The following ZNF407 variants were observed in gnomAD, a reference collection of about 807,000 sequenced individuals.
The protein encoded by ZNF407 is zinc finger protein 407.
Under a neutral mutation model 131.2 loss-of-function variants are expected in ZNF407, and 17 were observed. The ratio of observed to expected loss-of-function variants is 0.13; its 90% CI spans 0.09 to 0.19. ZNF407 has a LOEUF of 0.19. Among genes scored for constraint, ZNF407 ranks in the 10% least tolerant of loss-of-function variants. The pLI, the probability that ZNF407 is intolerant of heterozygous loss-of-function variation, is 1.00. For missense variants in ZNF407, 2,681 were observed against 2,830.6 expected (o/e 0.95, Z 1.20); for synonymous variants, 1,156 against 1,062.0 (o/e 1.09, Z -1.72).
At chr18:75,061,051 G>A (rs189921287) in intron 8 of ZNF407, among the ~76,000 whole-genome samples, 12 of 152,286 alleles carry the variant, frequency 7.9e-5, no homozygotes, top group African/African-American at 2.6e-4. Context: ...TCTGTGCTCA[G>A]AATTAACTCG....
At chr18:74,844,606 T>A (rs1266589383) in intron 4 of ZNF407, among the ~76,000 whole-genome samples, 1 of 152,194 alleles carries the variant, frequency 6.6e-6, no homozygotes, top group African/African-American at 2.4e-5. Context: ...AAATGGTAGT[T>A]ATCTTTTATA....
intron 1 of ZNF407, among the ~76,000 whole-genome samples, chr18:74,625,525 G>A (rs1983750410): frequency 6.6e-6 from 1 of 152,210 alleles, no homozygotes; most frequent in Non-Finnish European, 1.5e-5. Flanking sequence ...TGGAAAGGGA[G>A]TTCCTGCTGT....
chr18:74,631,090 C>G lies in ZNF407; in HGVS notation c.71C>G (p.Thr24Arg). Reference protein sequence around the residue: ...EKINKEAQDLTKLSSHNEDGG... With the variant: ...EKINKEAQDLRKLSSHNEDGG... ...ATAAACAAAGAAGCACAAGACTTGACAAAGCTTTCATCCCATAATGAAGAC... is the reference window on the plus strand; with the variant it reads ...ATAAACAAAGAAGCACAAGACTTGAGAAAGCTTTCATCCCATAATGAAGAC... The change falls in exon 2 of 9, where the codon ACA becomes AGA. Residue 24 changes from threonine (T) to arginine (R), a missense_variant. This residue lies in a region of ZNF407 where 1,789 missense variants were observed against 1,748.7 expected (regional missense o/e 1.02). Coordinates refer to ENST00000299687, the MANE Select transcript of ZNF407 (RefSeq NM_017757.3). The G allele has an allele frequency of 6.2e-7, 1 of 1,613,510 alleles. No individual in the cohort carries two copies.
At chr18:74,731,380 G>A (rs1968290804) in intron 3 of ZNF407, among the ~76,000 whole-genome samples, 1 of 152,098 alleles carries the variant, frequency 6.6e-6, no homozygotes, top group African/African-American at 2.4e-5. Context: ...CTGTGGGTTG[G>A]CTAGTCATGA....
chr18:74,654,451 A>G (rs1599043953), intron 3 of ZNF407, among the ~76,000 whole-genome samples: 1 of 151,886 alleles, frequency 6.6e-6, no homozygotes, highest in African/African-American at 2.4e-5. Flanking sequence ...TAGTGCAAAC[A>G]CTGTGGTTAT....
chr18:75,015,656 GTGAC>G (rs536419706), intron 8 of ZNF407, among the ~76,000 whole-genome samples: 1,771 of 150,774 alleles, frequency 0.012, 21 homozygotes, highest in Middle Eastern at 0.031. Flanking sequence ...CCCATCTCTA[GTGAC>G]TGACAACAGG....
intron 3 of ZNF407, among the ~76,000 whole-genome samples, chr18:74,692,996 A>G (rs1334159540): frequency 1.3e-5 from 2 of 152,202 alleles, no homozygotes; most frequent in Admixed American, 1.3e-4. Flanking sequence ...AGTCTTTCTC[A>G]TCTGTGCCAG....
chr18:74,678,196 A>G (rs553192082), intron 3 of ZNF407, among the ~76,000 whole-genome samples: 25 of 152,240 alleles, frequency 1.6e-4, no homozygotes, highest in Admixed American at 5.9e-4. Context: ...ATCTTCTTCC[A>G]GTGAGGATTT....
intron 3 of ZNF407, among the ~76,000 whole-genome samples, chr18:74,704,080 G>A (rs1330085070): frequency 6.6e-6 from 1 of 151,992 alleles, no homozygotes. Flanking sequence ...CATCTCATGT[G>A]TCCTCCAAGT....
In ZNF407 at chr18:74,634,959, C is replaced by G. The variant is rs1469374622; in HGVS notation, c.3940C>G (p.His1314Asp). ...GNKEILMNSQHETEFILEEDG... is the reference protein window; with the variant it reads ...GNKEILMNSQDETEFILEEDG... ...TAAGGAAATTCTGATGAATTCACAA[C>G]ATGAAACAGAATTTATTTTGGAGGA... Residue 1314 changes from histidine to aspartate, a missense_variant, in exon 2 of 9, where the codon CAT becomes GAT. Physicochemically the swap from His to Asp is moderately conservative, Grantham distance 81 (BLOSUM62 -1). Coordinates refer to ENST00000299687, the MANE Select transcript of ZNF407 (RefSeq NM_017757.3). 9 of 1,613,838 alleles carry G rather than the reference C, an allele frequency of 5.6e-6. No individual in the cohort carries two copies. Among genetic ancestry groups the G allele is most frequent in the Non-Finnish European group, 7.6e-6 (9 of 1,179,912 alleles).
chr18:74,789,283 A>G (rs1969780226), intron 4 of ZNF407, among the ~76,000 whole-genome samples: 2 of 152,150 alleles, frequency 1.3e-5, no homozygotes, highest in Admixed American at 6.6e-5. Context: ...CAGAGAGCAC[A>G]TTCCAGGTTC....
chr18:74,993,235 G>A (rs1188514486), intron 8 of ZNF407, among the ~76,000 whole-genome samples: 1 of 152,124 alleles, frequency 6.6e-6, no homozygotes, highest in Non-Finnish European at 1.5e-5. Context: ...GCTATTTATA[G>A]TCAAAAGCTA....
intron 8 of ZNF407, among the ~76,000 whole-genome samples, chr18:74,943,105 A>T (rs1342094406): frequency 6.6e-6 from 1 of 151,866 alleles, no homozygotes; most frequent in East Asian, 1.9e-4. Context: ...TTTAGTAGAG[A>T]CGGGGTCTCA....
At chr18:74,687,920 C>T in intron 3 of ZNF407, among the ~76,000 whole-genome samples, 1 of 151,896 alleles carries the variant, frequency 6.6e-6, no homozygotes, top group Non-Finnish European at 1.5e-5. Context: ...TTAATTAATA[C>T]TTTTGTAGTA....
chr18:74,790,776 G>A lies in ZNF407; in HGVS notation c.4877+9274G>A, dbSNP rs564563019. ...AGCAGTTCTTTATGATGTCTTGGTA[G>A]TTGCTTATAAAAGTCCGAATTAAAA... On this transcript the variant is annotated intron_variant, in intron 4 of 8. Transcript: ENST00000299687. Among the ~76,000 whole-genome samples the A allele has an allele frequency of 3.9e-5, 6 of 152,158 alleles. No individual in the cohort carries two copies. The South Asian group carries it at 1.2e-3, about 31-fold the overall frequency.
chr18:74,662,040 A>AT lies in ZNF407; in HGVS notation c.4802+20933dup, dbSNP rs80024495. Among the ~76,000 whole-genome samples the AT allele has an allele frequency of 3.3e-3, 458 of 137,046 alleles. 1 individual carries two copies. The highest frequency in any genetic ancestry group is 0.014 in the South Asian group (59 of 4,296). 89.9% of individuals were successfully genotyped at this position (137,046 alleles called of 152,430 possible). ...TCTGTGCTTAAATCATAAAGATGGG[A>AT]TTTTTTTTTTTTTTTGGTATGATCA... On this transcript the variant is annotated intron_variant, in intron 3 of 8. Coordinates refer to ENST00000299687, the MANE Select transcript of ZNF407 (RefSeq NM_017757.3).
intron 8 of ZNF407, among the ~76,000 whole-genome samples, chr18:74,945,274 C>G (rs1383960505): frequency 6.6e-6 from 1 of 151,988 alleles, no homozygotes; most frequent in East Asian, 1.9e-4. Context: ...AAGTCTTATG[C>G]TAAAAAAAAA....
intron 7 of ZNF407, among the ~76,000 whole-genome samples, chr18:74,910,649 A>G (rs780385340): frequency 6.6e-6 from 1 of 152,150 alleles, no homozygotes; most frequent in Admixed American, 6.5e-5. Context: ...TACCTAAACC[A>G]TATTTTAGCC....
At chr18:75,057,810 CTT>C (rs1007238018) in intron 8 of ZNF407, among the ~76,000 whole-genome samples, 11 of 152,186 alleles carry the variant, frequency 7.2e-5, no homozygotes, top group African/African-American at 2.7e-4. Context: ...ACAGGGGAAA[CTT>C]CTCTCTGTAG....
Sources: allele counts gnomAD v4.1 joint callset (sites outside exome capture counted in the v4.1 genomes callset), GRCh38; gene constraint gnomAD v4.1.1; regional missense constraint gnomAD v4.1.1; transcripts MANE v1.5; gene names NCBI Gene and HGNC (gene_info 2026-07-23, HGNC 2026-07-21).